Variants in TASP1 observed in about 807,000 individuals in gnomAD.
The protein encoded by TASP1 is threonine aspartase 1.
A neutral mutation model predicts 56.6 loss-of-function variants in TASP1; 16 were observed. The observed-to-expected ratio is 0.28, with a 90% CI of 0.19 to 0.43. The LOEUF (loss-of-function observed/expected upper bound fraction) is 0.43. TASP1 is among the 20% of genes least tolerant of loss of function. The pLI is 1.00. For synonymous variants in TASP1, 179 were observed against 184.2 expected (o/e 0.97, Z 0.23); for missense variants, 393 against 511.6 (o/e 0.77, Z 2.24).
the TASP1 span, chr20:13,165,779 A>C: frequency 6.6e-6 from 1 of 152,170 alleles, no homozygotes; most frequent in Non-Finnish European, 1.5e-5. Context: ...ATCGACTCCC[A>C]AGACTATATT....
At chr20:13,542,393 CAG>C (rs1209935074) in intron 8 of TASP1, among the ~76,000 whole-genome samples, 1 of 152,094 alleles carries the variant, frequency 6.6e-6, no homozygotes, top group Non-Finnish European at 1.5e-5. Context: ...AAAGTAAAAA[CAG>C]AGAAATCAAC....
intron 10 of TASP1, among the ~76,000 whole-genome samples, chr20:13,507,234 A>G (rs568473431): frequency 5.3e-5 from 8 of 152,276 alleles, no homozygotes; most frequent in Non-Finnish European, 1.0e-4. Context: ...CTGTACACTC[A>G]AAACTATAAA....
At chr20:13,519,281 C>T (rs949884059) in intron 10 of TASP1, among the ~76,000 whole-genome samples, 14 of 152,006 alleles carry the variant, frequency 9.2e-5, no homozygotes, top group African/African-American at 2.9e-4. Context: ...CAGTATCATG[C>T]GATATATTCA....
intron 11 of TASP1, among the ~76,000 whole-genome samples, chr20:13,456,458 T>C (rs999306444): frequency 2.0e-5 from 3 of 152,050 alleles, no homozygotes; most frequent in African/African-American, 7.2e-5. Context: ...TTGTTTGCTA[T>C]CCTAAAGAAA....
chr20:13,343,729 C>G, the TASP1 span, among the ~76,000 whole-genome samples: 19 of 152,310 alleles, frequency 1.2e-4, no homozygotes, highest in East Asian at 2.3e-3. Flanking sequence ...GCATCACACC[C>G]CTTTCTTTCA....
chr20:13,592,447 GCTCA>G (rs2047569923), intron 4 of TASP1, among the ~76,000 whole-genome samples: 1 of 151,518 alleles, frequency 6.6e-6, no homozygotes, highest in Non-Finnish European at 1.5e-5. Context: ...TGAATTAGAG[GCTCA>G]CTGACTGTCA....
intron 10 of TASP1, among the ~76,000 whole-genome samples, chr20:13,503,551 C>G (rs918512449): frequency 6.6e-6 from 1 of 151,892 alleles, no homozygotes; most frequent in Non-Finnish European, 1.5e-5. Flanking sequence ...TGCAACATGT[C>G]AAAGAACAAA....
chr20:13,358,762 G>A, the TASP1 span, among the ~76,000 whole-genome samples: 11 of 147,520 alleles, frequency 7.5e-5, no homozygotes, highest in African/African-American at 2.4e-4. Flanking sequence ...CTGCAGGGAC[G>A]CCTCTCTGAT....
the TASP1 span, among the ~76,000 whole-genome samples, chr20:13,179,669 C>A: frequency 6.6e-6 from 1 of 152,076 alleles, no homozygotes; most frequent in African/African-American, 2.4e-5. Context: ...GTCCTCCTGA[C>A]CCATGCAGAG....
the TASP1 span, among the ~76,000 whole-genome samples, chr20:13,273,387 ACCATGC>A: frequency 6.6e-6 from 1 of 151,986 alleles, no homozygotes; most frequent in South Asian, 2.1e-4. Context: ...GGTGTGAGCC[ACCATGC>A]CTAGCTAATC....
the TASP1 span, among the ~76,000 whole-genome samples, chr20:13,108,802 A>G: frequency 6.6e-6 from 1 of 152,094 alleles, no homozygotes; most frequent in African/African-American, 2.4e-5. Context: ...CCTGACCTCA[A>G]AGATTTAGCT....
intron 11 of TASP1, among the ~76,000 whole-genome samples, chr20:13,456,307 G>T (rs987503716): frequency 6.6e-6 from 1 of 152,052 alleles, no homozygotes; most frequent in Admixed American, 6.6e-5. Context: ...GCAGAAAAAT[G>T]CCTAGGAAGA....
the TASP1 span, among the ~76,000 whole-genome samples, chr20:13,139,082 G>A: frequency 2.6e-5 from 4 of 152,130 alleles, no homozygotes; most frequent in African/African-American, 9.7e-5. Context: ...CATCCAAAAT[G>A]ACATTTTCCA....
the TASP1 span, among the ~76,000 whole-genome samples, chr20:13,383,678 A>G: frequency 6.6e-6 from 1 of 152,184 alleles, no homozygotes; most frequent in Non-Finnish European, 1.5e-5. Context: ...CTGAGCCTGC[A>G]TGGAGTAAGA....
At chr20:13,415,452 T>G (rs1415740294) in intron 13 of TASP1, among the ~76,000 whole-genome samples, 1 of 150,900 alleles carries the variant, frequency 6.6e-6, no homozygotes, top group Non-Finnish European at 1.5e-5. Flanking sequence ...TTCTTTTTTT[T>G]TTTTTTTTTC....
chr20:13,183,338 T>C, the TASP1 span, among the ~76,000 whole-genome samples: 27 of 152,342 alleles, frequency 1.8e-4, no homozygotes, highest in African/African-American at 6.5e-4. Flanking sequence ...CCAGAAGATC[T>C]GCAGCCAACT....
At chr20:13,525,881 C>T (rs772386916) in intron 10 of TASP1, among the ~76,000 whole-genome samples, 1 of 152,080 alleles carries the variant, frequency 6.6e-6, no homozygotes, top group Non-Finnish European at 1.5e-5. Context: ...TTTTAGCTTG[C>T]GAAGAGTATA....
the TASP1 span, among the ~76,000 whole-genome samples, chr20:13,144,856 GCTCCGC>G: frequency 1.3e-5 from 2 of 152,094 alleles, no homozygotes; most frequent in African/African-American, 2.4e-5. Context: ...CTCACTGCAA[GCTCCGC>G]CTCCCAGGTT....
the TASP1 span, among the ~76,000 whole-genome samples, chr20:13,161,264 G>A: frequency 2.0e-5 from 3 of 152,160 alleles, no homozygotes; most frequent in Non-Finnish European, 4.4e-5. Context: ...TATACAGTAA[G>A]GAACAGCAAA....
Sources: gnomAD v4.1 joint callset for allele counts (sites outside exome capture counted in the v4.1 genomes callset) on GRCh38, gnomAD v4.1.1 for gene constraint, MANE v1.5 for transcripts, NCBI Gene and HGNC (gene_info 2026-07-23, HGNC 2026-07-21) for gene names.